CD86: variants seen among roughly 807,000 people sequenced by gnomAD.
The protein encoded by CD86 is CD86 molecule, also known as T-lymphocyte activation antigen CD86.
In CD86, 11 loss-of-function variants were observed where a neutral mutation model predicts 32.1. The observed-to-expected ratio is 0.34, with a 90% CI of 0.22 to 0.57. The LOEUF (loss-of-function observed/expected upper bound fraction) is 0.57, where lower values mean the gene tolerates loss of function less well. CD86 is among the 20% of genes least tolerant of loss of function. The pLI, the probability that CD86 is intolerant of heterozygous loss-of-function variation, is 0.86. For synonymous variants in CD86, 137 were observed against 135.3 expected (o/e 1.01, Z -0.09); for missense variants, 359 against 398.4 (o/e 0.90, Z 0.84).
At chr3:122,091,897 A>G in intron 2 of CD86, 1 of 495,920 alleles carries the variant, frequency 2.0e-6, no homozygotes, top group South Asian at 2.6e-5. Context: ...GTCTCACATC[A>G]GTGAGCCTAG....
intron 5 of CD86, among the ~76,000 whole-genome samples, chr3:122,115,560 A>C (rs1404907638): frequency 1.3e-5 from 2 of 151,974 alleles, no homozygotes; most frequent in African/African-American, 4.8e-5. Flanking sequence ...AACAATTCTG[A>C]AAAATAAGAA....
chr3:122,073,170 T>TCAG (rs1162955575), intron 1 of CD86, among the ~76,000 whole-genome samples: 21 of 147,436 alleles, frequency 1.4e-4, no homozygotes, highest in African/African-American at 2.2e-4. Context: ...CTCCACATCC[T>TCAG]CAGCAGCATT....
intron 1 of CD86, among the ~76,000 whole-genome samples, chr3:122,090,729 T>C (rs761952179): frequency 3.9e-5 from 6 of 152,160 alleles, no homozygotes; most frequent in Middle Eastern, 3.2e-3. Flanking sequence ...TGGTGCTAGT[T>C]AGGGTAAGTG....
chr3:122,080,391 G>A (rs893088981), intron 1 of CD86, among the ~76,000 whole-genome samples: 1 of 152,140 alleles, frequency 6.6e-6, no homozygotes, highest in Non-Finnish European at 1.5e-5. Flanking sequence ...AGAACTAGGC[G>A]TGTCTTGTAC....
intron 2 of CD86, among the ~76,000 whole-genome samples, chr3:122,101,720 T>C (rs190532776): frequency 1.1e-4 from 16 of 151,964 alleles, no homozygotes; most frequent in African/African-American, 3.4e-4. Context: ...CTAAAACCAG[T>C]ATTTCCTCAG....
chr3:122,087,154 G>T (rs1190814987), intron 1 of CD86, among the ~76,000 whole-genome samples: 2 of 152,144 alleles, frequency 1.3e-5, no homozygotes, highest in Non-Finnish European at 2.9e-5. Context: ...GATTACGGCA[G>T]GTGCTCTTCT....
intron 1 of CD86, among the ~76,000 whole-genome samples, chr3:122,075,042 G>A (rs1559900597): frequency 6.6e-6 from 1 of 151,920 alleles, no homozygotes; most frequent in African/African-American, 2.4e-5. Context: ...GCTGACTGCT[G>A]GCCTGTCACA....
rs576320128 is a variant in CD86, at chr3:122,074,521, G to A, written c.15-17080G>A. ...CTGTATTAGAACTACCATCAGCACCGCCTCCTAGAGTGCTTTTAGACTTGA... is the reference window on the plus strand; with the variant it reads ...CTGTATTAGAACTACCATCAGCACCACCTCCTAGAGTGCTTTTAGACTTGA... On this transcript the variant is annotated intron_variant, in intron 1 of 6. Coordinates refer to ENST00000330540, the MANE Select transcript of CD86 (RefSeq NM_175862.5). 1.1e-3 allele frequency among the ~76,000 whole-genome samples: 174 copies of A among 152,264 alleles called. 1 individual carries two copies. The highest frequency in any genetic ancestry group is 1.9e-3 in the Non-Finnish European group (126 of 68,006).
chr3:122,106,554 T>C, intron 4 of CD86, 54 bp downstream of exon 4: 1 of 1,445,788 alleles, frequency 6.9e-7, no homozygotes, highest in Non-Finnish European at 9.4e-7. Context: ...CACAAATGCT[T>C]AAGGCAGATC....
chr3:122,088,548 C>T (rs1486973449), intron 1 of CD86, among the ~76,000 whole-genome samples: 2 of 152,138 alleles, frequency 1.3e-5, no homozygotes, highest in African/African-American at 4.8e-5. Context: ...TGGGCATTAC[C>T]TATTGAGCCA....
At chr3:122,075,642 TTTGAGGTCCCTTACAGTC>T (rs943521092) in intron 1 of CD86, among the ~76,000 whole-genome samples, 9 of 152,136 alleles carry the variant, frequency 5.9e-5, no homozygotes, top group Non-Finnish European at 1.0e-4. Flanking sequence ...AATGATGAGT[TTTGAGGTCCCTTACAGTC>T]CAGCAACTCT....
chr3:122,119,562 C>A lies in CD86; in HGVS notation c.*28C>A. 2 of 1,368,162 alleles carry A rather than the reference C, an allele frequency of 1.5e-6. No individual in the cohort carries two copies. The highest frequency in any genetic ancestry group is 1.2e-5 in the South Asian group (1 of 83,272). 84.8% of individuals were successfully genotyped at this position (1,368,162 alleles called of 1,614,324 possible). ...AAAGAGTAAAGCCCATACAAGTATTCATTTTTTCTACCCTTTCCTTTGTAA... is the reference window on the plus strand; with the variant it reads ...AAAGAGTAAAGCCCATACAAGTATTAATTTTTTCTACCCTTTCCTTTGTAA... On this transcript the variant is annotated 3_prime_UTR_variant, in exon 7 of 7. Transcript: ENST00000330540.
At chr3:122,102,760 C>T (rs2073031143) in intron 2 of CD86, among the ~76,000 whole-genome samples, 1 of 152,108 alleles carries the variant, frequency 6.6e-6, no homozygotes, top group Admixed American at 6.5e-5. Context: ...CCGAAAACAG[C>T]CATCAAATTT....
chr3:122,116,516 A>G (rs2073253233), intron 5 of CD86, among the ~76,000 whole-genome samples: 1 of 152,342 alleles, frequency 6.6e-6, no homozygotes, highest in South Asian at 2.1e-4. Flanking sequence ...GAAGCAACTG[A>G]AACTCTCATA....
intron 1 of CD86, among the ~76,000 whole-genome samples, chr3:122,075,124 C>G (rs1273956962): frequency 6.6e-6 from 1 of 151,912 alleles, no homozygotes; most frequent in Non-Finnish European, 1.5e-5. Flanking sequence ...GGTCAGCAAC[C>G]CCCTGCAACT....
intron 1 of CD86, among the ~76,000 whole-genome samples, chr3:122,086,841 G>A (rs2072730447): frequency 6.6e-6 from 1 of 152,188 alleles, no homozygotes; most frequent in South Asian, 2.1e-4. Context: ...TCAGAGGCTA[G>A]ATAACATCAG....
At chr3:122,073,614 C>T (rs1195586250) in intron 1 of CD86, among the ~76,000 whole-genome samples, 2 of 152,104 alleles carry the variant, frequency 1.3e-5, no homozygotes, top group Non-Finnish European at 2.9e-5. Context: ...GAACTATGGA[C>T]CCAGCAGGGT....
At chr3:122,078,747 T>C (rs937157097) in intron 1 of CD86, among the ~76,000 whole-genome samples, 2 of 152,222 alleles carry the variant, frequency 1.3e-5, no homozygotes, top group African/African-American at 4.8e-5. Context: ...TTAATAGCAA[T>C]TTAAGGTTCT....
intron 1 of CD86, among the ~76,000 whole-genome samples, chr3:122,059,081 A>G (rs898497483): frequency 1.3e-5 from 2 of 152,106 alleles, no homozygotes; most frequent in South Asian, 2.1e-4. Flanking sequence ...CTTCTCTAAC[A>G]TGTTGAGTTT....
Sources: allele counts gnomAD v4.1 joint callset (sites outside exome capture counted in the v4.1 genomes callset), GRCh38; gene constraint gnomAD v4.1.1; transcripts MANE v1.5; gene names NCBI Gene and HGNC (gene_info 2026-07-23, HGNC 2026-07-21).